ESRRG: variants seen among roughly 807,000 people sequenced by gnomAD.
ESRRG encodes estrogen-related receptor gamma.
In ESRRG, 13 loss-of-function variants were observed where a neutral mutation model predicts 44.0. That is an observed-to-expected ratio of 0.30 (90% CI 0.19 to 0.47). The LOEUF is 0.47. Ranked by LOEUF, ESRRG falls within the 20% of genes least tolerant of loss-of-function variation. The probability of loss-of-function intolerance (pLI) is 1.00; values close to 1 mark genes in which losing one functional copy is unlikely to be tolerated. For missense variants in ESRRG, 395 were observed against 580.6 expected (o/e 0.68, Z 3.29); for synonymous variants, 215 against 214.6 (o/e 1.00, Z -0.02).
At chr1:216,775,421 A>G (rs562700814) in intron 2 of ESRRG, among the ~76,000 whole-genome samples, 17 of 151,956 alleles carry the variant, frequency 1.1e-4, no homozygotes, top group South Asian at 4.2e-4. Flanking sequence ...AAGCACCTCA[A>G]AAGTCATCAT....
chr1:217,114,748 CT>C (rs1241322355), intron 1 of ESRRG, among the ~76,000 whole-genome samples: 1 of 149,998 alleles, frequency 6.7e-6, no homozygotes, highest in Non-Finnish European at 1.5e-5. Flanking sequence ...TCTCTGCCCC[CT>C]GGGTTCAAGC....
At chr1:217,008,523 ACT>A (rs1272425310) in intron 1 of ESRRG, among the ~76,000 whole-genome samples, 1 of 152,194 alleles carries the variant, frequency 6.6e-6, no homozygotes, top group Non-Finnish European at 1.5e-5. Context: ...GATTGTTTGC[ACT>A]CTCTAGGTTC....
intron 1 of ESRRG, among the ~76,000 whole-genome samples, chr1:216,703,197 A>C (rs1445298183): frequency 6.6e-6 from 1 of 151,856 alleles, no homozygotes; most frequent in African/African-American, 2.4e-5. Context: ...CCAACAACTA[A>C]CATGTGCAGG....
intron 1 of ESRRG, among the ~76,000 whole-genome samples, chr1:216,966,478 A>C (rs2150235008): frequency 6.6e-6 from 1 of 152,226 alleles, no homozygotes; most frequent in South Asian, 2.1e-4. Context: ...GTAAACAGAA[A>C]CCAGAAGAAC....
At chr1:216,731,367 G>C (rs2088735239) in intron 2 of ESRRG, among the ~76,000 whole-genome samples, 1 of 152,192 alleles carries the variant, frequency 6.6e-6, no homozygotes, top group Admixed American at 6.5e-5. Flanking sequence ...CTTATGGGGA[G>C]AGGAAGAAGG....
At chr1:217,054,687 T>C (rs912595492) in intron 1 of ESRRG, among the ~76,000 whole-genome samples, 1 of 152,020 alleles carries the variant, frequency 6.6e-6, no homozygotes, top group African/African-American at 2.4e-5. Context: ...ATGGCTACTG[T>C]GGTTATTATA....
At chr1:216,795,663 T>C (rs1001792242) in intron 2 of ESRRG, among the ~76,000 whole-genome samples, 2 of 152,098 alleles carry the variant, frequency 1.3e-5, no homozygotes, top group African/African-American at 4.8e-5. Context: ...TATATATATT[T>C]AAAACATGAA....
intron 1 of ESRRG, among the ~76,000 whole-genome samples, chr1:217,005,468 T>C (rs375065571): frequency 2.6e-5 from 4 of 152,138 alleles, no homozygotes; most frequent in Non-Finnish European, 5.9e-5. Context: ...TTGCTTGGCA[T>C]ACACAGATAA....
intron 1 of ESRRG, among the ~76,000 whole-genome samples, chr1:216,974,900 A>C (rs2072543773): frequency 6.6e-6 from 1 of 151,422 alleles, no homozygotes; most frequent in African/African-American, 2.4e-5. Flanking sequence ...ATTTTCTTTC[A>C]GAATTTTCTC....
intron 2 of ESRRG, among the ~76,000 whole-genome samples, chr1:216,811,196 T>A (rs1488270729): frequency 6.6e-6 from 1 of 152,192 alleles, no homozygotes; most frequent in East Asian, 1.9e-4. Flanking sequence ...ATAGGACCTA[T>A]CAAATAAGAT....
intron 2 of ESRRG, among the ~76,000 whole-genome samples, chr1:216,673,748 A>G (rs769621456): frequency 6.6e-6 from 1 of 152,222 alleles, no homozygotes; most frequent in Non-Finnish European, 1.5e-5. Context: ...TCACACTGTT[A>G]TTCTATCTTT....
intron 3 of ESRRG, among the ~76,000 whole-genome samples, chr1:216,635,499 A>C (rs1333439667): frequency 6.6e-6 from 1 of 152,228 alleles, no homozygotes. Flanking sequence ...GAACTGAATG[A>C]ACAGATTAGC....
At chr1:217,096,798 A>G (rs1037371970) in intron 1 of ESRRG, among the ~76,000 whole-genome samples, 4 of 152,136 alleles carry the variant, frequency 2.6e-5, no homozygotes, top group African/African-American at 9.7e-5. Context: ...CCTTTTGTGT[A>G]AAAGATGTTT....
At chr1:216,638,729 G>T (rs1464405819) in intron 3 of ESRRG, among the ~76,000 whole-genome samples, 1 of 152,192 alleles carries the variant, frequency 6.6e-6, no homozygotes, top group Non-Finnish European at 1.5e-5. Context: ...AAAGTGAATG[G>T]TATGGAGCCA....
At chr1:216,925,670 G>A (rs760983590) in intron 2 of ESRRG, among the ~76,000 whole-genome samples, 1 of 150,804 alleles carries the variant, frequency 6.6e-6, no homozygotes, top group African/African-American at 2.4e-5. Context: ...GGTCTGCTCG[G>A]CTGGGTGTGG....
intron 1 of ESRRG, among the ~76,000 whole-genome samples, chr1:217,052,891 G>T (rs1182901423): frequency 1.3e-5 from 2 of 152,228 alleles, no homozygotes; most frequent in East Asian, 3.9e-4. Flanking sequence ...CACTAAAAGG[G>T]CTTTACATAT....
At chr1:217,021,020 A>AC (rs903664361) in intron 1 of ESRRG, among the ~76,000 whole-genome samples, 3 of 146,538 alleles carry the variant, frequency 2.0e-5, no homozygotes, top group Non-Finnish European at 4.5e-5. Context: ...TACTAGGAGA[A>AC]CCCCCCCATC....
intron 5 of ESRRG, among the ~76,000 whole-genome samples, chr1:216,540,497 A>G (rs997621324): frequency 6.6e-6 from 1 of 152,046 alleles, no homozygotes; most frequent in African/African-American, 2.4e-5. Flanking sequence ...CCAACTCACA[A>G]GAGCAACTTC....
intron 1 of ESRRG, among the ~76,000 whole-genome samples, chr1:217,096,270 G>A (rs1205352964): frequency 6.6e-6 from 1 of 152,144 alleles, no homozygotes; most frequent in African/African-American, 2.4e-5. Context: ...GGTTTTAGAA[G>A]GGAGAAAGAG....
Sources: allele counts gnomAD v4.1 joint callset (sites outside exome capture counted in the v4.1 genomes callset), GRCh38; gene constraint gnomAD v4.1.1; transcripts MANE v1.5; gene names NCBI Gene and HGNC (gene_info 2026-07-23, HGNC 2026-07-21).